RMDN2: variants seen among roughly 807,000 people sequenced by gnomAD.
RMDN2 encodes the protein regulator of microtubule dynamics protein 2.
Under a neutral mutation model 52.8 loss-of-function variants are expected in RMDN2, and 61 were observed. That is an observed-to-expected ratio of 1.16 (90% CI 0.94 to 1.43). RMDN2 has a LOEUF of 1.43. Ranked by LOEUF, RMDN2 falls within the 40% of genes most tolerant of loss-of-function variation. The pLI is 0.00. For missense variants in RMDN2, 592 were observed against 475.3 expected (o/e 1.25, Z -2.28); for synonymous variants, 180 against 153.1 (o/e 1.18, Z -1.30).
upstream of RMDN2, among the ~76,000 whole-genome samples, chr2:37,924,367 T>C (rs1666122275): frequency 6.6e-6 from 1 of 152,320 alleles, no homozygotes; most frequent in South Asian, 2.1e-4. Flanking sequence ...AGAAGCAGTG[T>C]ATGTACTGTT....
At chr2:37,971,319 A>G (rs547868562) in intron 2 of RMDN2, among the ~76,000 whole-genome samples, 2 of 152,216 alleles carry the variant, frequency 1.3e-5, no homozygotes, top group South Asian at 2.1e-4. Context: ...TTCTAGCACT[A>G]TTTGTTGAAG....
At chr2:38,062,418 A>G (rs1205130483) in intron 10 of RMDN2, among the ~76,000 whole-genome samples, 1 of 152,150 alleles carries the variant, frequency 6.6e-6, no homozygotes, top group Non-Finnish European at 1.5e-5. Flanking sequence ...CTTTTTTATT[A>G]CCGAGTAGTA....
chr2:37,974,265 C>T, intron 3 of RMDN2, 51 bp downstream of exon 3: 1 of 1,188,940 alleles, frequency 8.4e-7, no homozygotes, highest in Non-Finnish European at 1.2e-6. Flanking sequence ...TTAATTTAAT[C>T]TGCCATCTGT....
chr2:37,988,314 G>A (rs1271039176), intron 5 of RMDN2, among the ~76,000 whole-genome samples: 4 of 152,130 alleles, frequency 2.6e-5, no homozygotes, highest in Admixed American at 6.6e-5. Flanking sequence ...ATCTAGAGAG[G>A]TACATGAAAT....
At chr2:37,974,483 G>T (rs950249192) in intron 3 of RMDN2, among the ~76,000 whole-genome samples, 3 of 150,066 alleles carry the variant, frequency 2.0e-5, no homozygotes, top group African/African-American at 2.4e-5. Context: ...ACTTTTATTT[G>T]ATTTTTTTTT....
intron 10 of RMDN2, among the ~76,000 whole-genome samples, chr2:38,041,009 C>T (rs1016891194): frequency 8.6e-5 from 13 of 151,814 alleles, no homozygotes; most frequent in Non-Finnish European, 1.9e-4. Flanking sequence ...TTTCAAATTC[C>T]AATTGTTTAT....
At chr2:37,944,846 G>T (rs1668091819) in intron 2 of RMDN2, among the ~76,000 whole-genome samples, 1 of 152,190 alleles carries the variant, frequency 6.6e-6, no homozygotes, top group South Asian at 2.1e-4. Flanking sequence ...TCACCTGAGA[G>T]ATACTTGAGC....
intron 10 of RMDN2, among the ~76,000 whole-genome samples, chr2:38,016,496 G>A (rs184231359): frequency 9.2e-5 from 14 of 152,282 alleles, no homozygotes; most frequent in African/African-American, 2.2e-4. Flanking sequence ...AAACAACACC[G>A]TGAATTAACA....
intron 2 of RMDN2, among the ~76,000 whole-genome samples, chr2:37,947,446 C>G (rs1668313400): frequency 6.6e-6 from 1 of 152,070 alleles, no homozygotes; most frequent in Non-Finnish European, 1.5e-5. Context: ...GTGCTAAATT[C>G]ATTAAAAAAG....
chr2:38,022,879 A>G (rs577316764), intron 10 of RMDN2, among the ~76,000 whole-genome samples: 2 of 152,218 alleles, frequency 1.3e-5, no homozygotes, highest in African/African-American at 2.4e-5. Context: ...TTAAGCGTTG[A>G]TGTGTAAGTG....
At chr2:37,922,074 G>A (rs150481535), upstream of RMDN2, among the ~76,000 whole-genome samples, 295 of 152,222 alleles carry the variant, frequency 1.9e-3, no homozygotes, top group African/African-American at 6.5e-3. Context: ...CTCTCTCAAT[G>A]GTTAGGGTGT....
At chr2:38,007,620 A>T (rs4567911) in intron 10 of RMDN2, among the ~76,000 whole-genome samples, 6 of 152,056 alleles carry the variant, frequency 3.9e-5, no homozygotes, top group Admixed American at 2.0e-4. Flanking sequence ...GTCTTCCTAG[A>T]GGTCTATCAA....
intron 10 of RMDN2, among the ~76,000 whole-genome samples, chr2:38,037,283 T>A (rs558734017): frequency 6.6e-6 from 1 of 152,340 alleles, no homozygotes; most frequent in East Asian, 1.9e-4. Flanking sequence ...TCAGCTTTCC[T>A]CCCTGAGGGA....
At chr2:37,999,348 A>G (rs1676006146) in intron 8 of RMDN2, among the ~76,000 whole-genome samples, 1 of 152,226 alleles carries the variant, frequency 6.6e-6, no homozygotes, top group South Asian at 2.1e-4. Flanking sequence ...GATTATCTAC[A>G]TTCTTACAAG....
intron 10 of RMDN2, among the ~76,000 whole-genome samples, chr2:38,023,262 C>G (rs1679530208): frequency 6.6e-6 from 1 of 151,962 alleles, no homozygotes; most frequent in Non-Finnish European, 1.5e-5. Flanking sequence ...ACAATCCTGC[C>G]AGCAAATGGG....
chr2:37,974,071 C>T lies in RMDN2; in HGVS notation c.484C>T (p.Gln162Ter), dbSNP rs906657558. 6 of 1,610,502 alleles carry T rather than the reference C, an allele frequency of 3.7e-6. No homozygotes were observed. The highest frequency in any genetic ancestry group is 2.7e-5 in the African/African-American group (2 of 74,684). The change falls in exon 3 of 11, where the codon CAG (glutamine) becomes TAG (stop). Residue 162 changes from glutamine to a stop codon, truncating the protein, a stop_gained. Transcript: ENST00000354545. LOFTEE classifies it high-confidence loss of function. Reference protein sequence around the residue: ...YITANTDTEEQSFPVPKAFNT... With the variant: ...YITANTDTEE Reference sequence around the variant, plus strand: ...TACAGCTAATACTGACACAGAAGAACAGAGTTTTCCAGTCCCTAAGGCATT... The same window carrying T: ...TACAGCTAATACTGACACAGAAGAATAGAGTTTTCCAGTCCCTAAGGCATT...
chr2:37,954,387 G>C (rs1323417821), intron 2 of RMDN2, among the ~76,000 whole-genome samples: 1 of 152,028 alleles, frequency 6.6e-6, no homozygotes, highest in Non-Finnish European at 1.5e-5. Context: ...GTGATGTTAA[G>C]TAATGGTCTT....
chr2:38,035,591 A>G (rs745914453), intron 10 of RMDN2, among the ~76,000 whole-genome samples: 5 of 152,362 alleles, frequency 3.3e-5, no homozygotes, highest in Non-Finnish European at 7.4e-5. Flanking sequence ...TCAGTGAAAT[A>G]GAATATAAAG....
At chr2:37,974,646 A>C (rs914984953) in intron 3 of RMDN2, 1 of 145,596 alleles carries the variant, frequency 6.9e-6, no homozygotes, top group Admixed American at 6.7e-5. Flanking sequence ...CACTAAAAAA[A>C]ATAAAATAAA....
Sources: gnomAD v4.1 joint callset for allele counts (sites outside exome capture counted in the v4.1 genomes callset) on GRCh38, gnomAD v4.1.1 for gene constraint, MANE v1.5 for transcripts, NCBI Gene and HGNC (gene_info 2026-07-23, HGNC 2026-07-21) for gene names.